The following CDH8 variants were observed in gnomAD, a reference collection of about 807,000 sequenced individuals.
CDH8 encodes the protein cadherin 8.
A neutral mutation model predicts 68.1 loss-of-function variants in CDH8; 17 were observed. The ratio of observed to expected loss-of-function variants is 0.25; its 90% confidence interval spans 0.17 to 0.37. The LOEUF (loss-of-function observed/expected upper bound fraction) is 0.37, where lower values mean the gene tolerates loss of function less well. Among genes scored for constraint, CDH8 ranks in the 10% least tolerant of loss-of-function variants. The probability of loss-of-function intolerance (pLI) is 1.00; values close to 1 mark genes in which losing one functional copy is unlikely to be tolerated. For synonymous variants in CDH8, 372 were observed against 365.1 expected, an observed-to-expected ratio of 1.02 and a Z score of -0.21; for missense variants, 763 against 999.3, an observed-to-expected ratio of 0.76 and a Z score of 3.19.
At chr16:61,762,347 AG>A (rs1221361105) in intron 8 of CDH8, among the ~76,000 whole-genome samples, 6 of 152,206 alleles carry the variant, frequency 3.9e-5, no homozygotes, top group Admixed American at 1.3e-4. Context: ...AACTATGTAA[AG>A]GATAAATAGA....
At chr16:61,809,731 GC>G (rs1187214631) in intron 7 of CDH8, among the ~76,000 whole-genome samples, 1 of 152,158 alleles carries the variant, frequency 6.6e-6, no homozygotes, top group African/African-American at 2.4e-5. Flanking sequence ...GAACCTGACT[GC>G]CCTCTTTTAA....
At chr16:61,891,465 G>A (rs116726899) in intron 3 of CDH8, among the ~76,000 whole-genome samples, 57 of 152,196 alleles carry the variant, frequency 3.7e-4, no homozygotes, top group African/African-American at 1.2e-3. Flanking sequence ...CAATTTCCCC[G>A]TTTGGATAAT....
chr16:61,912,268 TA>T (rs1964174836), intron 2 of CDH8, among the ~76,000 whole-genome samples: 1 of 152,098 alleles, frequency 6.6e-6, no homozygotes, highest in Non-Finnish European at 1.5e-5. Context: ...ATTTGGGCCA[TA>T]AAATAGGAGG....
rs1423334249 is a variant in CDH8, at chr16:61,647,817, C to G, written c.*5791G>C. 1 of 699,802 alleles carries G rather than the reference C, an allele frequency of 1.4e-6. No individual in the cohort carries two copies. Among genetic ancestry groups the G allele is most frequent in the South Asian group, 1.5e-5 (1 of 67,514 alleles). The allele number at this position is 699,802 out of a possible 1,614,324, so 43.3% of individuals were successfully genotyped here. On this transcript the variant is annotated 3_prime_UTR_variant, in exon 12 of 12. Transcript: ENST00000577390. ...GTCCTGACCTCTGAGTTCATTGAAGCCATGGTTTTCCACAGTCTTTCTCTT... is the reference window on the plus strand; with the variant it reads ...GTCCTGACCTCTGAGTTCATTGAAGGCATGGTTTTCCACAGTCTTTCTCTT...
Position 61,820,915 on chromosome 16 carries a change from CCTT to C in CDH8, c.1023+8_1023+10del. 1 of 1,603,020 alleles carries C rather than the reference CCTT, an allele frequency of 6.2e-7. No homozygotes were observed. Among genetic ancestry groups the C allele is most frequent in the Non-Finnish European group, 8.5e-7 (1 of 1,173,040 alleles). On this transcript the variant is annotated splice_region_variant and intron_variant, in intron 6 of 11. Coordinates refer to ENST00000577390, the MANE Select transcript of CDH8 (RefSeq NM_001796.5). ...ATATTTTGAAGATGAACAAAAGCTT[CCTT>C]AGCTTACTTTTCTTAGCCTTATAAT...
At chr16:61,691,588 G>A (rs1304557342) in intron 10 of CDH8, among the ~76,000 whole-genome samples, 2 of 147,490 alleles carry the variant, frequency 1.4e-5, no homozygotes, top group Admixed American at 6.7e-5. Context: ...GGTGGAGTAC[G>A]ATCTTTAGTA....
intron 2 of CDH8, among the ~76,000 whole-genome samples, chr16:61,996,659 T>C (rs1437382797): frequency 6.6e-6 from 1 of 152,206 alleles, no homozygotes; most frequent in African/African-American, 2.4e-5. Context: ...ATTAATAAAA[T>C]GATTTTCAAA....
intron 2 of CDH8, 149 bp from the exon 3 acceptor site, chr16:61,901,622 C>T (rs374121631): frequency 3.5e-5 from 21 of 605,648 alleles, no homozygotes; most frequent in South Asian, 6.4e-5. Flanking sequence ...TGCAGCTGTG[C>T]GGATATCAAT....
At chr16:61,974,521 A>T (rs1965402525) in intron 2 of CDH8, among the ~76,000 whole-genome samples, 1 of 152,162 alleles carries the variant, frequency 6.6e-6, no homozygotes, top group South Asian at 2.1e-4. Context: ...TTGGAACATT[A>T]TTTGGCACTG....
At chr16:61,740,648 G>A (rs186353011) in intron 8 of CDH8, among the ~76,000 whole-genome samples, 14 of 152,218 alleles carry the variant, frequency 9.2e-5, no homozygotes, top group Non-Finnish European at 1.5e-4. Flanking sequence ...AATTCATACA[G>A]TGTATACATA....
rs370573626 is a variant in CDH8 at position 61,670,761 on chromosome 16, A to G, written c.1655-15040T>C. ...ATGGATAGCATTGAACCCTATATTT[A>G]CTGTTTTTTTTTCTTTTATCTGATT... On this transcript the variant is annotated intron_variant, in intron 10 of 11. Transcript: ENST00000577390. Among the ~76,000 whole-genome samples the G allele has an allele frequency of 3.9e-5, 6 of 152,044 alleles. No homozygotes were observed. In the East Asian group the frequency reaches 9.7e-4, roughly 25 times the overall value.
chr16:61,864,157 T>G (rs1402163938), intron 3 of CDH8, among the ~76,000 whole-genome samples: 4 of 152,208 alleles, frequency 2.6e-5, no homozygotes, highest in African/African-American at 9.6e-5. Flanking sequence ...TGGTCCTGGA[T>G]GTTTTAAATG....
intron 7 of CDH8, among the ~76,000 whole-genome samples, chr16:61,809,378 T>C (rs1365746286): frequency 1.3e-5 from 2 of 151,972 alleles, no homozygotes; most frequent in Non-Finnish European, 2.9e-5. Context: ...AAGTGGGAGT[T>C]GAACAATGAG....
At chr16:61,693,142 C>T (rs1964263853) in intron 10 of CDH8, 1 of 152,074 alleles carries the variant, frequency 6.6e-6, no homozygotes, top group South Asian at 2.1e-4. Context: ...ATTTTATCAT[C>T]ATAATTTAAT....
chr16:61,947,049 A>T (rs1002463724), intron 2 of CDH8, among the ~76,000 whole-genome samples: 8 of 152,342 alleles, frequency 5.3e-5, no homozygotes, highest in Admixed American at 5.2e-4. Context: ...GGTAGATGTC[A>T]GTATAAGGAG....
At chr16:62,024,355 G>T (rs969600710) in intron 1 of CDH8, among the ~76,000 whole-genome samples, 1 of 152,156 alleles carries the variant, frequency 6.6e-6, no homozygotes, top group African/African-American at 2.4e-5. Flanking sequence ...ACGTCAGATA[G>T]GATAGACTAG....
chr16:61,931,153 C>T (rs149502382), intron 2 of CDH8, among the ~76,000 whole-genome samples: 71 of 151,346 alleles, frequency 4.7e-4, no homozygotes, highest in Non-Finnish European at 8.5e-4. Context: ...ATCATGAGGA[C>T]CTTTTGTTTT....
intron 4 of CDH8, 135 bp from the exon 5 acceptor site, chr16:61,825,314 C>G: frequency 3.1e-6 from 2 of 639,254 alleles, no homozygotes; most frequent in Non-Finnish European, 5.2e-6. Flanking sequence ...GTTCTTCTGA[C>G]ATTTGATTGG....
intron 10 of CDH8, among the ~76,000 whole-genome samples, chr16:61,686,790 T>A (rs1384042087): frequency 6.6e-6 from 1 of 151,974 alleles, no homozygotes; most frequent in Non-Finnish European, 1.5e-5. Context: ...TTTGAGTGAA[T>A]GCATTTTAGG....
Sources: allele counts gnomAD v4.1 joint callset (sites outside exome capture counted in the v4.1 genomes callset), GRCh38; gene constraint gnomAD v4.1.1; transcripts MANE v1.5; gene names NCBI Gene and HGNC (gene_info 2026-07-23, HGNC 2026-07-21).